Variants in NFATC1 observed in about 807,000 individuals in gnomAD.
NFATC1 encodes the protein nuclear factor of activated T-cells, cytoplasmic 1.
A neutral mutation model predicts 76.0 loss-of-function variants in NFATC1; 22 were observed. The ratio of observed to expected loss-of-function variants is 0.29; its 90% CI spans 0.21 to 0.41. NFATC1 has a LOEUF of 0.41. Ranked by LOEUF, NFATC1 falls within the 10% of genes least tolerant of loss-of-function variation. The probability of loss-of-function intolerance (pLI) is 1.00; values close to 1 mark genes in which losing one functional copy is unlikely to be tolerated. For synonymous variants in NFATC1, 704 were observed against 613.1 expected, an observed-to-expected ratio of 1.15 and a Z score of -2.19; for missense variants, 1,357 against 1,337.7, an observed-to-expected ratio of 1.01 and a Z score of -0.23.
intron 8 of NFATC1, among the ~76,000 whole-genome samples, chr18:79,475,734 G>A (rs1218552402): frequency 6.6e-6 from 1 of 152,218 alleles, no homozygotes; most frequent in African/African-American, 2.4e-5. Flanking sequence ...CTCCCCAAAA[G>A]TCAGAAGAAG....
At chr18:79,442,646 G>A (rs781620849) in intron 3 of NFATC1, among the ~76,000 whole-genome samples, 2 of 152,188 alleles carry the variant, frequency 1.3e-5, no homozygotes, top group African/African-American at 2.4e-5. Flanking sequence ...CGGTGGCGGC[G>A]GCGGGTGGTG....
chr18:79,458,464 G>C (rs554566315), intron 6 of NFATC1, among the ~76,000 whole-genome samples: 1 of 152,326 alleles, frequency 6.6e-6, no homozygotes, highest in Non-Finnish European at 1.5e-5. Flanking sequence ...GCACCGGCGT[G>C]GGGGTGGCCC....
At chr18:79,516,253 C>G (rs2090380655) in intron 9 of NFATC1, among the ~76,000 whole-genome samples, 1 of 152,188 alleles carries the variant, frequency 6.6e-6, no homozygotes, top group African/African-American at 2.4e-5. Flanking sequence ...GTCAGGCCGT[C>G]CCTCCGTTGT....
intron 2 of NFATC1, among the ~76,000 whole-genome samples, chr18:79,422,938 G>A (rs956448267): frequency 6.6e-6 from 1 of 151,940 alleles, no homozygotes; most frequent in Non-Finnish European, 1.5e-5. Flanking sequence ...CTGCCTCGGG[G>A]GCGGGGGTTC....
In NFATC1 at chr18:79,524,201, C is replaced by T. The variant is rs181967971; in HGVS notation, c.2783-3327C>T. On this transcript the variant is annotated intron_variant, in intron 9 of 9. Coordinates refer to ENST00000427363, the MANE Select transcript of NFATC1 (RefSeq NM_001278669.2). This position sits in a 1 kb window ranked among gnomAD's most constrained non-coding sequence, Gnocchi z 7.2. Reference sequence around the variant, plus strand: ...GGGGCGGTCCTGTCTTTCAGCCCAGCGCCAGCGAGCCACATGGCCTCAGAC... The same window carrying T: ...GGGGCGGTCCTGTCTTTCAGCCCAGTGCCAGCGAGCCACATGGCCTCAGAC... Among the ~76,000 whole-genome samples, 50 of 152,278 alleles carry T rather than the reference C, an allele frequency of 3.3e-4. No homozygotes were observed. Among genetic ancestry groups the T allele is most frequent in the African/African-American group, 5.1e-4 (21 of 41,560 alleles).
At chr18:79,518,398 G>C (rs945990734) in intron 9 of NFATC1, among the ~76,000 whole-genome samples, 1 of 152,230 alleles carries the variant, frequency 6.6e-6, no homozygotes, top group African/African-American at 2.4e-5. Flanking sequence ...GAGTGTGGCA[G>C]TGTAAAGGGC....
chr18:79,402,423 C>T (rs2085299161), intron 1 of NFATC1: 1 of 981,440 alleles, frequency 1.0e-6, no homozygotes, highest in Non-Finnish European at 1.2e-6. Context: ...GGGCTCATTC[C>T]CCCAAAACAC....
At chr18:79,469,630 G>A (rs897035447) in intron 8 of NFATC1, 15 of 985,758 alleles carry the variant, frequency 1.5e-5, no homozygotes, top group South Asian at 1.4e-4. Flanking sequence ...CCAGTGTCTC[G>A]GCTGCACCCT....
At chr18:79,397,638 A>T (rs1160256940) in intron 1 of NFATC1, among the ~76,000 whole-genome samples, 1 of 152,222 alleles carries the variant, frequency 6.6e-6, no homozygotes, top group Non-Finnish European at 1.5e-5. Context: ...AGCAGAGTTT[A>T]AAAAATTTTT....
At chr18:79,418,081 G>A (rs1247257267) in intron 2 of NFATC1, among the ~76,000 whole-genome samples, 2 of 152,134 alleles carry the variant, frequency 1.3e-5, no homozygotes, top group African/African-American at 4.8e-5. Context: ...TGCCACCATG[G>A]GGTGGGTGGA....
chr18:79,424,997 C>G (rs1264880811), intron 2 of NFATC1, among the ~76,000 whole-genome samples: 11 of 149,426 alleles, frequency 7.4e-5, no homozygotes, highest in African/African-American at 2.3e-4. Context: ...CTGTGTCTAT[C>G]TCTGTGTCTG....
chr18:79,446,956 C>T (rs1253081455), intron 3 of NFATC1, among the ~76,000 whole-genome samples: 2 of 152,222 alleles, frequency 1.3e-5, no homozygotes, highest in South Asian at 2.1e-4. Context: ...ACCTGGGTCC[C>T]GGCTCAGCCT....
In NFATC1 at chr18:79,411,255, T is replaced by C; in HGVS notation, c.980T>C (p.Leu327Pro). ...CTGACCACCGACAGCAGCCTGGACCTGGGAGATGGCGTCCCTGTCAAGTCC... is the reference window on the plus strand; with the variant it reads ...CTGACCACCGACAGCAGCCTGGACCCGGGAGATGGCGTCCCTGTCAAGTCC... ...NALTTDSSLDLGDGVPVKSRK... is the reference protein window; with the variant it reads ...NALTTDSSLDPGDGVPVKSRK... The change falls in exon 2 of 10, where the codon CTG (leucine) becomes CCG (proline). Residue 327 changes from leucine (L) to proline (P), a missense_variant. Coordinates refer to ENST00000427363, the MANE Select transcript of NFATC1 (RefSeq NM_001278669.2). 6.2e-7 allele frequency: 1 copy of C among 1,602,536 alleles called. No homozygotes were observed.
chr18:79,448,829 T>G lies in NFATC1; in HGVS notation c.1434T>G (p.Ile478Met). 1 of 1,613,936 alleles carries G rather than the reference T, an allele frequency of 6.2e-7. No individual in the cohort carries two copies. Among genetic ancestry groups the G allele is most frequent in the Non-Finnish European group, 8.5e-7 (1 of 1,180,026 alleles). Residue 478 changes from isoleucine (I) to methionine (M), a missense_variant, in exon 4 of 10, where the codon ATT becomes ATG. Around this residue, in one of 3 missense-constraint regions of NFATC1, gnomAD observed 242 missense variants for 329.2 expected, o/e 0.74. Coordinates refer to ENST00000427363, the MANE Select transcript of NFATC1 (RefSeq NM_001278669.2). ...AGCCGCTGATGCTGCAGCTTTTCAT[T>G]GGGACGGCGGACGACCGCCTGCTGC... is the stretch of plus-strand genomic sequence containing the variant. ...ENEPLMLQLF[I>M]GTADDRLLRP...
At chr18:79,479,941 G>T (rs1481164384) in intron 8 of NFATC1, among the ~76,000 whole-genome samples, 1 of 152,202 alleles carries the variant, frequency 6.6e-6, no homozygotes, top group Non-Finnish European at 1.5e-5. Context: ...GCCAACCCCA[G>T]ACTTGAGCCA....
At chr18:79,476,387 G>T (rs543772874) in intron 8 of NFATC1, among the ~76,000 whole-genome samples, 1 of 152,270 alleles carries the variant, frequency 6.6e-6, no homozygotes, top group African/African-American at 2.4e-5. Flanking sequence ...GAGGATTGGC[G>T]AAAGCCGACC....
At chr18:79,403,962 C>T (rs1245162189) in intron 1 of NFATC1, among the ~76,000 whole-genome samples, 1 of 152,208 alleles carries the variant, frequency 6.6e-6, no homozygotes. Flanking sequence ...AGCGTTCCTG[C>T]TATTACCATG....
intron 3 of NFATC1, among the ~76,000 whole-genome samples, chr18:79,440,980 C>T (rs1364501874): frequency 6.6e-6 from 1 of 152,234 alleles, no homozygotes; most frequent in African/African-American, 2.4e-5. Context: ...GTCCGTGGAC[C>T]TGCCTCAAGC....
At chr18:79,511,987 C>A (rs2090265321) in intron 9 of NFATC1, among the ~76,000 whole-genome samples, 1 of 152,156 alleles carries the variant, frequency 6.6e-6, no homozygotes, top group South Asian at 2.1e-4. Context: ...GCTGAGACGT[C>A]CGCAGCCATC....
Sources: allele counts gnomAD v4.1 joint callset (sites outside exome capture counted in the v4.1 genomes callset), GRCh38; gene constraint gnomAD v4.1.1; regional missense constraint gnomAD v4.1.1; non-coding constraint Gnocchi (gnomAD v3.1); transcripts MANE v1.5; gene names NCBI Gene and HGNC (gene_info 2026-07-23, HGNC 2026-07-21).